MECOM: variants seen among roughly 807,000 people sequenced by gnomAD.
MECOM encodes histone-lysine N-methyltransferase MECOM.
MECOM carries 13 observed loss-of-function variants against 116.3 expected under a neutral mutation model. The observed-to-expected ratio is 0.11, with a 90% confidence interval of 0.07 to 0.18. MECOM has a LOEUF of 0.18. Ranked by LOEUF, MECOM falls within the 10% of genes least tolerant of loss-of-function variation. MECOM has a pLI of 1.00. For synonymous variants in MECOM, 528 were observed against 535.2 expected (o/e 0.99, Z 0.19); for missense variants, 1,299 against 1,509.0 (o/e 0.86, Z 2.31).
chr3:169,472,618 A>AAAGGAAAGGAAAGGAAAGG (rs1749663330), intron 1 of MECOM, among the ~76,000 whole-genome samples: 1 of 67,368 alleles, frequency 1.5e-5, no homozygotes, highest in African/African-American at 9.9e-5. Context: ...GAAAGGAAAG[A>AAAGGAAAGGAAAGGAAAGG]AAAGAAAAGA....
intron 2 of MECOM, among the ~76,000 whole-genome samples, chr3:169,224,583 A>G (rs1282784046): frequency 2.0e-5 from 3 of 152,238 alleles, no homozygotes; most frequent in Non-Finnish European, 4.4e-5. Flanking sequence ...TCAGCTACCC[A>G]GTAAACCTCA....
chr3:169,659,116 A>G (rs998471567), intron 1 of MECOM, among the ~76,000 whole-genome samples: 5 of 151,204 alleles, frequency 3.3e-5, no homozygotes, highest in African/African-American at 1.2e-4. Flanking sequence ...GAAAGAAACC[A>G]AAATTCGTGG....
chr3:169,545,700 C>A (rs1210858140), intron 1 of MECOM, among the ~76,000 whole-genome samples: 1 of 152,186 alleles, frequency 6.6e-6, no homozygotes, highest in Non-Finnish European at 1.5e-5. Flanking sequence ...CTGCATCTGA[C>A]ATGAGTGCCA....
chr3:169,290,148 C>A (rs527319399), intron 2 of MECOM, among the ~76,000 whole-genome samples: 2 of 152,040 alleles, frequency 1.3e-5, no homozygotes, highest in East Asian at 3.9e-4. Flanking sequence ...TAAAACAAAT[C>A]ATTTCCCAAA....
At chr3:169,647,566 T>C (rs7631972) in intron 1 of MECOM, among the ~76,000 whole-genome samples, 35,999 of 152,012 alleles carry the variant, frequency 0.24, 8,534 homozygotes, top group African/African-American at 0.62. Context: ...AAAAAAAATA[T>C]GCATCTGGAA....
intron 3 of MECOM, among the ~76,000 whole-genome samples, chr3:169,140,199 A>G (rs1048809357): frequency 6.6e-6 from 1 of 152,062 alleles, no homozygotes; most frequent in African/African-American, 2.4e-5. Flanking sequence ...AAAGCAACCA[A>G]GGATAATTTC....
chr3:169,151,096 C>G (rs1024228380), intron 2 of MECOM, among the ~76,000 whole-genome samples: 5 of 152,166 alleles, frequency 3.3e-5, no homozygotes, highest in Non-Finnish European at 5.9e-5. Flanking sequence ...AAACTGATGC[C>G]TCTTTTAAGC....
At chr3:169,127,213 A>G (rs1023121327) in intron 5 of MECOM, among the ~76,000 whole-genome samples, 1 of 152,156 alleles carries the variant, frequency 6.6e-6, no homozygotes, top group Non-Finnish European at 1.5e-5. Context: ...AATAAAATTC[A>G]AAAGGCTATA....
At chr3:169,433,649 G>GAAAGAAAGAAAGAA (rs1553851633) in intron 1 of MECOM, among the ~76,000 whole-genome samples, 13 of 121,464 alleles carry the variant, frequency 1.1e-4, no homozygotes, top group African/African-American at 4.1e-4. Flanking sequence ...GAGAAAGAAA[G>GAAAGAAAGAAAGAA]AAAGAAAGAA....
chr3:169,440,453 A>G (rs1316915819), intron 1 of MECOM, among the ~76,000 whole-genome samples: 1 of 151,768 alleles, frequency 6.6e-6, no homozygotes, highest in Non-Finnish European at 1.5e-5. Flanking sequence ...TGGAGGTCCA[A>G]GAAAAGCATT....
chr3:169,088,438 T>C (rs1718575675), intron 16 of MECOM, among the ~76,000 whole-genome samples: 1 of 152,186 alleles, frequency 6.6e-6, no homozygotes, highest in Non-Finnish European at 1.5e-5. Flanking sequence ...ATTTGTTGAA[T>C]TTAAATTGAC....
chr3:169,643,199 G>T (rs1273614024), intron 1 of MECOM, among the ~76,000 whole-genome samples: 5 of 152,080 alleles, frequency 3.3e-5, no homozygotes, highest in African/African-American at 1.2e-4. Context: ...TTCTCAGGGA[G>T]CCTAATAATT....
intron 1 of MECOM, among the ~76,000 whole-genome samples, chr3:169,480,073 G>A (rs1209532815): frequency 6.6e-6 from 1 of 152,198 alleles, no homozygotes; most frequent in East Asian, 1.9e-4. Flanking sequence ...TTTGGTCAAA[G>A]TGGAGTCATC....
intron 2 of MECOM, chr3:169,146,807 C>T: frequency 9.0e-7 from 1 of 1,108,042 alleles, no homozygotes; most frequent in South Asian, 2.3e-5. Context: ...TCAGCAGCCC[C>T]CAACGCTCCT....
intron 1 of MECOM, among the ~76,000 whole-genome samples, chr3:169,594,171 A>C (rs1204033974): frequency 2.4e-4 from 28 of 118,926 alleles, no homozygotes; most frequent in East Asian, 4.9e-4. Flanking sequence ...AAAAAAAAAA[A>C]AAAAACACCT....
At chr3:169,203,357 G>A (rs936769742) in intron 2 of MECOM, among the ~76,000 whole-genome samples, 1 of 151,974 alleles carries the variant, frequency 6.6e-6, no homozygotes, top group East Asian at 1.9e-4. Flanking sequence ...TAAATAGCTG[G>A]ATTGGAGTCT....
intron 1 of MECOM, among the ~76,000 whole-genome samples, chr3:169,548,674 C>A (rs369287544): frequency 2.0e-5 from 3 of 152,222 alleles, no homozygotes; most frequent in East Asian, 3.9e-4. Flanking sequence ...TGAATGCAGA[C>A]GTGTAAATAC....
At chr3:169,161,210 A>T (rs1742794850) in intron 2 of MECOM, among the ~76,000 whole-genome samples, 3 of 152,170 alleles carry the variant, frequency 2.0e-5, no homozygotes, top group Admixed American at 2.0e-4. Flanking sequence ...TACATACCAC[A>T]CCCTATAGTT....
At chr3:169,535,296 T>C (rs1250083715) in intron 1 of MECOM, among the ~76,000 whole-genome samples, 20 of 152,106 alleles carry the variant, frequency 1.3e-4, no homozygotes, top group Admixed American at 1.2e-3. Context: ...AGACATTCCA[T>C]CCCATTGGCC....
Sources: allele counts gnomAD v4.1 joint callset (sites outside exome capture counted in the v4.1 genomes callset), GRCh38; gene constraint gnomAD v4.1.1; transcripts MANE v1.5; gene names NCBI Gene and HGNC (gene_info 2026-07-23, HGNC 2026-07-21).